TRIM72: variants seen among roughly 807,000 people sequenced by gnomAD.
TRIM72 encodes the protein tripartite motif-containing protein 72.
TRIM72 carries 33 observed loss-of-function variants against 31.6 expected under a neutral mutation model. The ratio of observed to expected loss-of-function variants is 1.04; its 90% confidence interval spans 0.79 to 1.40. The LOEUF is 1.40. TRIM72 is among the 40% of genes most tolerant of loss of function. TRIM72 has a pLI of 0.00. For missense variants in TRIM72, 666 were observed against 682.7 expected (o/e 0.98, Z 0.27); for synonymous variants, 301 against 314.4 (o/e 0.96, Z 0.45).
intron 4 of TRIM72, 94 bp from the exon 5 acceptor site, chr16:31,220,802 G>A: frequency 2.7e-6 from 4 of 1,482,254 alleles, no homozygotes; most frequent in Admixed American, 1.7e-5. Flanking sequence ...TTCTGACGTT[G>A]CACTCAGCAT....
At position 31,227,834 on chromosome 16, in the gene TRIM72, C is replaced by T. The variant is rs1168044455; in HGVS notation, c.*3079C>T. On this transcript the variant is annotated 3_prime_UTR_variant, in exon 7 of 7. Coordinates refer to ENST00000322122, the MANE Select transcript of TRIM72 (RefSeq NM_001008274.4). ...GTATTTTGGTAGAGATGAGGTCTCA[C>T]TATGTTGCTCATGCTGGTCTCGAGC... is the stretch of plus-strand genomic sequence containing the variant. The T allele has an allele frequency of 1.3e-5, 2 of 152,192 alleles. No homozygotes were observed. The highest frequency in any genetic ancestry group is 1.3e-4 in the Admixed American group (2 of 15,250). 9.4% of individuals were successfully genotyped at this position (152,192 alleles called of 1,614,324 possible).
intron 6 of TRIM72, 77 bp from the exon 7 acceptor site, chr16:31,224,104 G>A: frequency 6.7e-7 from 1 of 1,500,808 alleles, no homozygotes; most frequent in Non-Finnish European, 8.9e-7. Context: ...GGGAGAGAAA[G>A]CTGGCCTGCA....
Position 31,224,885 on chromosome 16 carries a change from C to T in TRIM72, c.*130C>T, listed in dbSNP as rs1481762903. ...GGGGGCTGGGAACTGGGGGATCTCCCAGAATACTGACAAGCGTGGGGTAGG... is the reference window on the plus strand; with the variant it reads ...GGGGGCTGGGAACTGGGGGATCTCCTAGAATACTGACAAGCGTGGGGTAGG... On this transcript the variant is annotated 3_prime_UTR_variant, in exon 7 of 7. Transcript: ENST00000322122. 1 of 963,316 alleles carries T rather than the reference C, an allele frequency of 1.0e-6. No individual in the cohort carries two copies. The highest frequency in any genetic ancestry group is 1.4e-6 in the Non-Finnish European group (1 of 691,612). The allele number at this position is 963,316 out of a possible 1,614,324, so 59.7% of individuals were successfully genotyped here. A position where few individuals can be genotyped will look rare whatever the true frequency, so the allele number is the denominator to read the frequency against.
At chr16:31,220,456 GTTTTTTTTTTTTTTT>G (rs71151452) in intron 4 of TRIM72, among the ~76,000 whole-genome samples, 13 of 29,582 alleles carry the variant, frequency 4.4e-4, no homozygotes, top group South Asian at 1.1e-3. Flanking sequence ...TCTCTTTTGC[GTTTTTTTTTTTTTTT>G]TTTTTTTTTT....
In TRIM72 at chr16:31,219,505, A is replaced by T; in HGVS notation, c.703A>T (p.Thr235Ser). ...VLEEVADKPQ[T>S]EFLMKYCLVT... ...GGAGGAGGTGGCGGACAAGCCGCAG[A>T]CTGAGTTCCTCATGGTGAGCACTGG... The change falls in exon 4 of 7, where the codon ACT becomes TCT. Residue 235 changes from threonine to serine, a missense_variant. By Grantham distance (58) the Thr-to-Ser change is moderately conservative. Coordinates refer to ENST00000322122, the MANE Select transcript of TRIM72 (RefSeq NM_001008274.4). The surrounding 1 kb of genome is among the most constrained non-coding windows in gnomAD (Gnocchi z 4.2). The T allele has an allele frequency of 6.2e-7, 1 of 1,611,846 alleles. No individual in the cohort carries two copies. The highest frequency in any genetic ancestry group is 8.5e-7 in the Non-Finnish European group (1 of 1,179,228).
rs2079565160 is a variant in TRIM72 at position 31,229,986 on chromosome 16, G to C, written c.*5231G>C. On this transcript the variant is annotated 3_prime_UTR_variant, in exon 7 of 7. Transcript: ENST00000322122. Reference sequence around the variant, plus strand: ...GCCTGCAATCCCAGCTACTCAGGAGGCTGAGGCAGGAGAATCACTTGAACC... The same window carrying C: ...GCCTGCAATCCCAGCTACTCAGGAGCCTGAGGCAGGAGAATCACTTGAACC... 1 of 152,258 alleles carries C rather than the reference G, an allele frequency of 6.6e-6. No homozygotes were observed. Among genetic ancestry groups the C allele is most frequent in the African/African-American group, 2.4e-5 (1 of 41,440 alleles). The allele number at this position is 152,258 out of a possible 1,614,324, so 9.4% of individuals were successfully genotyped here.
chr16:31,217,587 C>A (rs2079516199), intron 2 of TRIM72, among the ~76,000 whole-genome samples: 1 of 150,184 alleles, frequency 6.7e-6, no homozygotes, highest in Admixed American at 6.6e-5. Flanking sequence ...AGATCTAGAC[C>A]ACAGAATGGT....
rs1019552922 is a variant in TRIM72, at chr16:31,224,249, C to G, written c.928C>G (p.Arg310Gly). Residue 310 changes from arginine to glycine, a missense_variant, in exon 7 of 7, where the codon CGC (arginine) becomes GGC (glycine). Transcript: ENST00000322122. ...PSLVVSSSGR[R>G]VECSEQKAPP... ...CCTGGTGGTGTCTTCCTCTGGCCGC[C>G]GCGTGGAGTGCTCGGAGCAGAAGGC... 9 of 1,604,870 alleles carry G rather than the reference C, an allele frequency of 5.6e-6. No individual in the cohort carries two copies. Among genetic ancestry groups the G allele is most frequent in the Middle Eastern group, 1.6e-4 (1 of 6,080 alleles).
rs1369133305 is a variant in TRIM72 at position 31,214,922 on chromosome 16, C to T, written c.184C>T (p.Pro62Ser). Residue 62 changes from proline to serine, a missense_variant, in exon 2 of 7, where the codon CCG becomes TCG. By Grantham distance (74) the Pro-to-Ser change is moderately conservative. Coordinates refer to ENST00000322122, the MANE Select transcript of TRIM72 (RefSeq NM_001008274.4). ...CCCCTGCTGCCAGGCCCCCACGCGG[C>T]CGCAGGCACTCAGCACCAACCTGCA... Reference protein sequence around the residue: ...LCPCCQAPTRPQALSTNLQLA... With the variant: ...LCPCCQAPTRSQALSTNLQLA... 2 of 1,509,606 alleles carry T rather than the reference C, an allele frequency of 1.3e-6. No individual in the cohort carries two copies. Among genetic ancestry groups the T allele is most frequent in the East Asian group, 2.6e-5 (1 of 38,428 alleles). The allele number at this position is 1,509,606 out of a possible 1,614,324, so 93.5% of individuals were successfully genotyped here.
At chr16:31,222,784 C>T in intron 5 of TRIM72, 43 bp from the exon 6 acceptor site, 1 of 599,510 alleles carries the variant, frequency 1.7e-6, no homozygotes, top group Non-Finnish European at 2.8e-6. Context: ...AGCCCTTGTC[C>T]TCCCCCCTCA....
intron 5 of TRIM72, among the ~76,000 whole-genome samples, chr16:31,222,592 C>G (rs1341724165): frequency 6.7e-6 from 1 of 150,218 alleles, no homozygotes; most frequent in Non-Finnish European, 1.5e-5. Context: ...TGGGACTACA[C>G]TCTACCTCGC....
At position 31,219,661 on chromosome 16, in the gene TRIM72, T is replaced by A; in HGVS notation, c.717+142T>A. 1 of 737,434 alleles carries A rather than the reference T, an allele frequency of 1.4e-6. No individual in the cohort carries two copies. Among genetic ancestry groups the A allele is most frequent in the East Asian group, 2.7e-5 (1 of 37,228 alleles). The allele number at this position is 737,434 out of a possible 1,614,324, so 45.7% of individuals were successfully genotyped here. ...GGAGGGGCAGGCCTCAGGACTGCTA[T>A]ATGGTTGTTTAGGTTGAGCACTGCA... On this transcript the variant is annotated intron_variant, in intron 4 of 6. Coordinates refer to ENST00000322122, the MANE Select transcript of TRIM72 (RefSeq NM_001008274.4). This position sits in a 1 kb window ranked among gnomAD's most constrained non-coding sequence, Gnocchi z 4.2.
intron 4 of TRIM72, among the ~76,000 whole-genome samples, chr16:31,220,302 G>C (rs897340910): frequency 6.6e-6 from 1 of 152,052 alleles, no homozygotes; most frequent in Admixed American, 6.6e-5. Flanking sequence ...GCCTCCCAAA[G>C]TGCTGGGATT....
At position 31,225,050 on chromosome 16, in the gene TRIM72, C is replaced by T. The variant is rs1048088418; in HGVS notation, c.*295C>T. On this transcript the variant is annotated 3_prime_UTR_variant, in exon 7 of 7. Transcript: ENST00000322122. ...ACTGAAAATACAAAAATGAGCTGGG[C>T]GCGGTGGCATACGCCTGTAATCCCA... 11 of 242,346 alleles carry T rather than the reference C, an allele frequency of 4.5e-5. No homozygotes were observed. Among genetic ancestry groups the T allele is most frequent in the South Asian group, 1.2e-4 (1 of 8,164 alleles). The allele number at this position is 242,346 out of a possible 1,614,324, so 15.0% of individuals were successfully genotyped here.
intron 1 of TRIM72, 125 bp from the exon 2 acceptor site, chr16:31,214,607 A>G: frequency 2.8e-6 from 3 of 1,067,322 alleles, no homozygotes; most frequent in Non-Finnish European, 3.8e-6. Flanking sequence ...GTAGGATGTG[A>G]GGTCTTTACA....
intron 5 of TRIM72, among the ~76,000 whole-genome samples, chr16:31,222,051 T>C (rs2079536640): frequency 6.6e-6 from 1 of 152,114 alleles, no homozygotes; most frequent in Non-Finnish European, 1.5e-5. Context: ...GTGTGCACAC[T>C]GGCGAAGCTG....
chr16:31,219,322 G>A lies in TRIM72; in HGVS notation c.520G>A (p.Glu174Lys), dbSNP rs756462500. 2 of 1,614,056 alleles carry A rather than the reference G, an allele frequency of 1.2e-6. No homozygotes were observed. The highest frequency in any genetic ancestry group is 1.3e-5 in the African/African-American group (1 of 74,936). The stretch of plus-strand genomic sequence containing the variant: ...GCGTCAGTTCCGGGGGGCCGTGGGG[G>A]AGCAGCTGGGCAAGATGCGGGTGTT... ...TVRQFRGAVG[E>K]QLGKMRVFLA... Residue 174 changes from glutamate to lysine, a missense_variant, in exon 4 of 7, where the codon GAG becomes AAG. Coordinates refer to ENST00000322122, the MANE Select transcript of TRIM72 (RefSeq NM_001008274.4). The surrounding 1 kb of genome is among the most constrained non-coding windows in gnomAD (Gnocchi z 4.2).
In TRIM72 at chr16:31,216,747, TCA is replaced by T; in HGVS notation, c.390+1620_390+1621del. On this transcript the variant is annotated intron_variant, in intron 2 of 6. Transcript: ENST00000322122. The surrounding 1 kb of genome is among the most constrained non-coding windows in gnomAD (Gnocchi z 6.7). The stretch of plus-strand genomic sequence containing the variant: ...TTGGGTCCCGAGATCACGTACCAGC[TCA>T]GAGTGGCCCTCACGCAGCCCGCTGC... 6.3e-7 allele frequency: 1 copy of T among 1,594,030 alleles called. No homozygotes were observed. Among genetic ancestry groups the T allele is most frequent in the Non-Finnish European group, 8.6e-7 (1 of 1,166,834 alleles).
intron 6 of TRIM72, 146 bp downstream of exon 6, chr16:31,223,091 G>A: frequency 2.9e-6 from 2 of 683,778 alleles, no homozygotes; most frequent in Non-Finnish European, 5.1e-6. Flanking sequence ...TGCCGCTGCA[G>A]TCCTCTAACC....
Sources: gnomAD v4.1 joint callset for allele counts (sites outside exome capture counted in the v4.1 genomes callset) on GRCh38, gnomAD v4.1.1 for gene constraint, Gnocchi (gnomAD v3.1) non-coding constraint, MANE v1.5 for transcripts, NCBI Gene and HGNC (gene_info 2026-07-23, HGNC 2026-07-21) for gene names.